ZFHX3: variants seen among roughly 807,000 people sequenced by gnomAD.
The protein encoded by ZFHX3 is zinc finger homeobox 3.
In ZFHX3, 42 loss-of-function variants were observed where a neutral mutation model predicts 279.1. The observed-to-expected ratio is 0.15, with a 90% confidence interval of 0.12 to 0.19. The LOEUF (loss-of-function observed/expected upper bound fraction) is 0.19. ZFHX3 is among the 10% of genes least tolerant of loss of function. ZFHX3 has a pLI of 1.00. For synonymous variants in ZFHX3, 2,293 were observed against 1,957.8 expected (o/e 1.17, Z -4.52); for missense variants, 4,981 against 4,754.0 (o/e 1.05, Z -1.40).
chr16:73,600,669 C>G (rs1377520587), intron 2 of ZFHX3, among the ~76,000 whole-genome samples: 1 of 152,110 alleles, frequency 6.6e-6, no homozygotes, highest in African/African-American at 2.4e-5. Context: ...ATCCGCCCGC[C>G]TCGGCCTCCC....
At chr16:73,031,473 T>C (rs1964698080) in intron 1 of ZFHX3, among the ~76,000 whole-genome samples, 1 of 152,200 alleles carries the variant, frequency 6.6e-6, no homozygotes, top group Non-Finnish European at 1.5e-5. Flanking sequence ...TTTCCTTGGT[T>C]TGGAGGAACC....
rs1259825040 is a variant in ZFHX3 at position 73,152,310 on chromosome 16, G to A, written c.-1103-8479C>T. Among the ~76,000 whole-genome samples, 4 of 152,176 alleles carry A rather than the reference G, an allele frequency of 2.6e-5. No individual in the cohort carries two copies. In the East Asian group the frequency reaches 7.7e-4, roughly 29 times the overall value. On this transcript the variant is annotated intron_variant, in intron 5 of 17. Coordinates refer to the ZFHX3 transcript ENST00000641206. ...CCAGCTGTCAGAGACGGTGACAGTT[G>A]TGGGGAGTTTTCTAGCTTTATCAAG...
intron 2 of ZFHX3, among the ~76,000 whole-genome samples, chr16:73,666,687 C>A (rs2052845752): frequency 6.6e-6 from 1 of 151,842 alleles, no homozygotes; most frequent in Admixed American, 6.6e-5. Flanking sequence ...TTGTCAAATG[C>A]ACAGTCATGC....
At chr16:73,597,599 G>T (rs899281302) in intron 2 of ZFHX3, among the ~76,000 whole-genome samples, 1 of 152,192 alleles carries the variant, frequency 6.6e-6, no homozygotes, top group Non-Finnish European at 1.5e-5. Flanking sequence ...ACACAGAGAG[G>T]AGAGCCTCAC....
At chr16:73,253,242 T>C (rs935304091) in intron 5 of ZFHX3, among the ~76,000 whole-genome samples, 2 of 152,036 alleles carry the variant, frequency 1.3e-5, no homozygotes, top group African/African-American at 4.8e-5. Flanking sequence ...AGGTGAGGAA[T>C]ACTTAGGGAG....
chr16:73,298,219 T>A (rs1277957487), intron 4 of ZFHX3, among the ~76,000 whole-genome samples: 6 of 140,096 alleles, frequency 4.3e-5, no homozygotes, highest in Non-Finnish European at 6.2e-5. Flanking sequence ...AAATCAGAAT[T>A]TTTTTTTTTT....
chr16:72,959,615 C>G lies in ZFHX3; in HGVS notation c.531G>C (p.Ala177=), dbSNP rs371450484. The G allele has an allele frequency of 6.2e-7, 1 of 1,614,112 alleles. No homozygotes were observed. Residue 177 remains alanine, a synonymous_variant, in exon 2 of 10, where the codon GCG becomes GCC. Coordinates refer to ENST00000268489, the MANE Select transcript of ZFHX3 (RefSeq NM_006885.4). Reference sequence around the variant, plus strand: ...ACGAAGGGTCCCCTTGCTTGCCCCCCGCGCCAGGGAGAGAGTTCAGGAAAA... The same window carrying G: ...ACGAAGGGTCCCCTTGCTTGCCCCCGGCGCCAGGGAGAGAGTTCAGGAAAA... The part of the protein sequence containing the change: ...PSLFLNSLPG[A]GGKQGDPSCA...
chr16:72,995,285 C>T (rs1027222117), intron 1 of ZFHX3, among the ~76,000 whole-genome samples: 1 of 152,158 alleles, frequency 6.6e-6, no homozygotes, highest in Non-Finnish European at 1.5e-5. Context: ...AAACTTTCCC[C>T]TCCACTCTTC....
chr16:72,855,898 C>T (rs1181597019), intron 4 of ZFHX3, among the ~76,000 whole-genome samples: 1 of 152,154 alleles, frequency 6.6e-6, no homozygotes, highest in Non-Finnish European at 1.5e-5. Context: ...CGCCAACTGC[C>T]ACCTTCCCCG....
intron 1 of ZFHX3, among the ~76,000 whole-genome samples, chr16:73,774,779 T>C (rs2054058599): frequency 6.6e-6 from 1 of 152,188 alleles, no homozygotes; most frequent in Admixed American, 6.5e-5. Flanking sequence ...TCAACTCTAG[T>C]ATTTGGAACT....
intron 1 of ZFHX3, among the ~76,000 whole-genome samples, chr16:73,007,469 C>T (rs1441133516): frequency 6.6e-6 from 1 of 152,136 alleles, no homozygotes; most frequent in African/African-American, 2.4e-5. Context: ...TTTTTTGAGA[C>T]GGAGTCTCAC....
At chr16:73,404,468 C>A (rs2143441748) in intron 3 of ZFHX3, among the ~76,000 whole-genome samples, 1 of 152,258 alleles carries the variant, frequency 6.6e-6, no homozygotes, top group East Asian at 1.9e-4. Flanking sequence ...CAAGTTCGTG[C>A]AGTGTTATTA....
intron 2 of ZFHX3, among the ~76,000 whole-genome samples, chr16:73,489,389 C>T (rs1456864667): frequency 2.0e-5 from 3 of 152,136 alleles, no homozygotes; most frequent in South Asian, 2.1e-4. Context: ...AGATGAGCAA[C>T]GTAGAAATGA....
At chr16:72,923,157 G>A (rs936982757) in intron 3 of ZFHX3, among the ~76,000 whole-genome samples, 3 of 152,220 alleles carry the variant, frequency 2.0e-5, no homozygotes, top group Middle Eastern at 3.4e-3. Context: ...TATGAACATA[G>A]GGCTGGGTGC....
intron 3 of ZFHX3, among the ~76,000 whole-genome samples, chr16:72,944,707 T>C (rs1490068082): frequency 1.3e-5 from 2 of 152,156 alleles, no homozygotes; most frequent in African/African-American, 2.4e-5. Context: ...CTGTAAAAAA[T>C]AGGGAATCCA....
chr16:73,250,072 A>C (rs536295902), intron 5 of ZFHX3, among the ~76,000 whole-genome samples: 43 of 152,212 alleles, frequency 2.8e-4, no homozygotes, highest in Non-Finnish European at 5.3e-4. Context: ...ATGATTCTGA[A>C]ACCAGGTCCT....
rs369157773 is a variant in ZFHX3, at chr16:73,028,434, T to C, written c.-50+19318A>G. ...CTCAGATCCCCAAGAAGAACAGGGC[T>C]CCAGAGCCCGGGGCAGTGTGATGCT... On this transcript the variant is annotated intron_variant, in intron 1 of 9. Coordinates refer to ENST00000268489, the MANE Select transcript of ZFHX3 (RefSeq NM_006885.4). Among the ~76,000 whole-genome samples the C allele has an allele frequency of 1.2e-4, 18 of 152,106 alleles. No individual in the cohort carries two copies. The East Asian group carries it at 3.5e-3, about 30-fold the overall frequency.
At chr16:72,814,416 C>T (rs965960794) in intron 5 of ZFHX3, among the ~76,000 whole-genome samples, 5 of 152,102 alleles carry the variant, frequency 3.3e-5, no homozygotes, top group Admixed American at 2.6e-4. Flanking sequence ...TGAGACCACC[C>T]GACTCATCTC....
chr16:73,219,182 T>C (rs564460607), intron 5 of ZFHX3, among the ~76,000 whole-genome samples: 35 of 152,332 alleles, frequency 2.3e-4, no homozygotes, highest in African/African-American at 7.9e-4. Flanking sequence ...ATTTTGTTTG[T>C]CCATTCTTCT....
Sources: allele counts gnomAD v4.1 joint callset (sites outside exome capture counted in the v4.1 genomes callset), GRCh38; gene constraint gnomAD v4.1.1; transcripts MANE v1.5; gene names NCBI Gene and HGNC (gene_info 2026-07-23, HGNC 2026-07-21).